Variants in ZBTB16 observed in about 807,000 individuals in gnomAD.
The protein encoded by ZBTB16 is zinc finger and BTB domain containing 16.
A neutral mutation model predicts 56.8 loss-of-function variants in ZBTB16; 8 were observed. The observed-to-expected ratio is 0.14, with a 90% CI of 0.08 to 0.25. The LOEUF (loss-of-function observed/expected upper bound fraction) is 0.25. ZBTB16 is among the 10% of genes least tolerant of loss of function. The probability of loss-of-function intolerance (pLI) is 1.00; values close to 1 mark genes in which losing one functional copy is unlikely to be tolerated. For missense variants in ZBTB16, 625 were observed against 903.0 expected, an observed-to-expected ratio of 0.69 and a Z score of 3.95; for synonymous variants, 363 against 368.5, an observed-to-expected ratio of 0.98 and a Z score of 0.17.
At chr11:114,174,983 A>T (rs761699916) in intron 3 of ZBTB16, among the ~76,000 whole-genome samples, 3 of 152,220 alleles carry the variant, frequency 2.0e-5, no homozygotes, top group Admixed American at 6.5e-5. Flanking sequence ...CAGAACTGAG[A>T]TGTTAGCTCA....
rs772815592 is a variant in ZBTB16, at chr11:114,064,256, G to A, written c.956G>A (p.Arg319Gln). ...PAEAGQAPTG[R>Q]PEHPAPPPEK... ...GAGGCTGGCCAGGCCCCCACTGGCC[G>A]ACCTGAGCACCCAGCACCCCCGCCT... Residue 319 changes from arginine (R) to glutamine (Q), a missense_variant, in exon 2 of 7, where the codon CGA becomes CAA. Physicochemically the swap from Arg to Gln is conservative, Grantham distance 43. This residue lies in a region of ZBTB16 where 384 missense variants were observed against 393.5 expected (regional missense o/e 0.98). Coordinates refer to ENST00000335953, the MANE Select transcript of ZBTB16 (RefSeq NM_006006.6). The surrounding 1 kb of genome is among the most constrained non-coding windows in gnomAD (Gnocchi z 4.2). The A allele has an allele frequency of 1.1e-5, 17 of 1,613,866 alleles. No homozygotes were observed. Among genetic ancestry groups the A allele is most frequent in the African/African-American group, 1.3e-5 (1 of 74,920 alleles).
chr11:114,237,664 C>T (rs759772562), intron 4 of ZBTB16, among the ~76,000 whole-genome samples: 3 of 152,226 alleles, frequency 2.0e-5, no homozygotes, highest in African/African-American at 4.8e-5. Context: ...TGCTTAATCT[C>T]CCAGTGTAAT....
intron 3 of ZBTB16, among the ~76,000 whole-genome samples, chr11:114,174,590 G>C (rs1268854892): frequency 6.6e-6 from 1 of 152,174 alleles, no homozygotes; most frequent in African/African-American, 2.4e-5. Flanking sequence ...ACTTGCAACT[G>C]TCTTTGTAGT....
intron 2 of ZBTB16, among the ~76,000 whole-genome samples, chr11:114,135,848 G>GT (rs1329146578): frequency 6.6e-6 from 1 of 152,208 alleles, no homozygotes; most frequent in Non-Finnish European, 1.5e-5. Context: ...GCAACAGGAA[G>GT]TGACTTGCAG....
chr11:114,128,624 TGAGGGTTA>T (rs1479604806), intron 2 of ZBTB16, among the ~76,000 whole-genome samples: 3 of 152,140 alleles, frequency 2.0e-5, no homozygotes, highest in Non-Finnish European at 1.5e-5. Context: ...AAGCACTTCA[TGAGGGTTA>T]GCTGTGCTTG....
At chr11:114,098,851 G>A (rs905349567) in intron 2 of ZBTB16, among the ~76,000 whole-genome samples, 1 of 151,786 alleles carries the variant, frequency 6.6e-6, no homozygotes, top group African/African-American at 2.4e-5. Flanking sequence ...AAGGAAATGG[G>A]GGAGGGGTCT....
intron 6 of ZBTB16, among the ~76,000 whole-genome samples, chr11:114,249,504 G>A (rs1944878274): frequency 7.7e-6 from 1 of 130,442 alleles, no homozygotes; most frequent in African/African-American, 2.9e-5. Flanking sequence ...GGTGGCTCAC[G>A]CCTGTAATCC....
At chr11:114,200,915 C>T (rs939684274) in intron 4 of ZBTB16, among the ~76,000 whole-genome samples, 17 of 152,126 alleles carry the variant, frequency 1.1e-4, no homozygotes, top group African/African-American at 4.1e-4. Context: ...CCATAAATTG[C>T]CTTGTTTTTT....
chr11:114,160,382 C>T lies in ZBTB16; in HGVS notation c.1366+3948C>T, dbSNP rs138900406. ...CATTTCTGAAAGGCAGACGGAGCTC[C>T]GGCTTGTTCTTCCTTCGCAGTTTTT... On this transcript the variant is annotated intron_variant, in intron 3 of 6. Transcript: ENST00000335953. Among the ~76,000 whole-genome samples, 303 of 152,288 alleles carry T rather than the reference C, an allele frequency of 2.0e-3. 1 individual carries two copies. Among genetic ancestry groups the T allele is most frequent in the African/African-American group, 6.9e-3 (287 of 41,560 alleles).
intron 4 of ZBTB16, among the ~76,000 whole-genome samples, chr11:114,218,702 C>A (rs1302821401): frequency 6.6e-6 from 1 of 152,136 alleles, no homozygotes; most frequent in African/African-American, 2.4e-5. Flanking sequence ...CTGCTTGTTT[C>A]TTTTTTGTTC....
intron 4 of ZBTB16, chr11:114,189,298 G>T (rs1943436801): frequency 6.6e-6 from 1 of 152,142 alleles, no homozygotes; most frequent in African/African-American, 2.4e-5. Context: ...TCCAAAGATA[G>T]ACAAATAGCC....
intron 3 of ZBTB16, among the ~76,000 whole-genome samples, chr11:114,163,203 CA>C (rs1394782050): frequency 5.1e-5 from 7 of 137,754 alleles, no homozygotes; most frequent in Non-Finnish European, 9.3e-5. Flanking sequence ...AGTCCCCCCC[CA>C]ACCCCACCCC....
chr11:114,123,116 A>G (rs1384636287), intron 2 of ZBTB16, among the ~76,000 whole-genome samples: 4 of 152,204 alleles, frequency 2.6e-5, no homozygotes. Context: ...ATTCTGTCAG[A>G]TCAGAGACCC....
At chr11:114,148,445 C>CTCTCTTTCTT (rs763868689) in intron 2 of ZBTB16, among the ~76,000 whole-genome samples, 688 of 56,822 alleles carry the variant, frequency 0.012, 124 homozygotes, top group South Asian at 0.036. Flanking sequence ...CTTTCTCTCT[C>CTCTCTTTCTT]TCTGTCTGTC....
intron 2 of ZBTB16, among the ~76,000 whole-genome samples, chr11:114,116,372 T>A (rs974487284): frequency 6.6e-6 from 1 of 152,214 alleles, no homozygotes; most frequent in African/African-American, 2.4e-5. Context: ...TAACTGCATA[T>A]TTGATTACTT....
chr11:114,231,326 A>G (rs1944438604), intron 4 of ZBTB16, among the ~76,000 whole-genome samples: 1 of 152,030 alleles, frequency 6.6e-6, no homozygotes, highest in Non-Finnish European at 1.5e-5. Flanking sequence ...TGCTCTCTAT[A>G]TGGGCTTTCT....
chr11:114,177,980 G>T (rs746819783), intron 3 of ZBTB16, among the ~76,000 whole-genome samples: 1 of 152,066 alleles, frequency 6.6e-6, no homozygotes, highest in Non-Finnish European at 1.5e-5. Flanking sequence ...TCTCAAACTG[G>T]TTTGCATTCC....
chr11:114,196,596 C>G (rs541992618), intron 4 of ZBTB16, among the ~76,000 whole-genome samples: 1 of 152,270 alleles, frequency 6.6e-6, no homozygotes, highest in Non-Finnish European at 1.5e-5. Flanking sequence ...GCCTGTGTAG[C>G]TGGCTTATCC....
At chr11:114,079,589 C>T (rs1347195805) in intron 2 of ZBTB16, among the ~76,000 whole-genome samples, 1 of 152,192 alleles carries the variant, frequency 6.6e-6, no homozygotes, top group Admixed American at 6.5e-5. Flanking sequence ...TTTGGGAATT[C>T]TTTCTGAAGT....
Sources: gnomAD v4.1 joint callset for allele counts (sites outside exome capture counted in the v4.1 genomes callset) on GRCh38, gnomAD v4.1.1 for gene constraint, gnomAD v4.1.1 regional missense constraint, Gnocchi (gnomAD v3.1) non-coding constraint, MANE v1.5 for transcripts, NCBI Gene and HGNC (gene_info 2026-07-23, HGNC 2026-07-21) for gene names.